Variants in EXO1 observed in about 807,000 individuals in gnomAD.
The protein encoded by EXO1 is exonuclease 1.
Under a neutral mutation model 84.5 loss-of-function variants are expected in EXO1, and 69 were observed. The ratio of observed to expected loss-of-function variants is 0.82; its 90% confidence interval spans 0.67 to 1.00. The LOEUF is 1.00. EXO1 is among the 50% of genes least tolerant of loss of function. The pLI, the probability that EXO1 is intolerant of heterozygous loss-of-function variation, is 0.00. For synonymous variants in EXO1, 373 were observed against 366.1 expected (o/e 1.02, Z -0.21); for missense variants, 1,045 against 1,000.7 (o/e 1.04, Z -0.60).
Position 241,850,401 on chromosome 1 carries a change from C to T in EXO1, c.-17-8C>T. 1 of 1,581,516 alleles carries T rather than the reference C, an allele frequency of 6.3e-7. No homozygotes were observed. The highest frequency in any genetic ancestry group is 8.7e-7 in the Non-Finnish European group (1 of 1,150,576). ...TATTACTGTTCTCCCTGTCTCTTTT[C>T]ATATCAGGTAGTTAATTTGGCACCA... On this transcript the variant is annotated splice_polypyrimidine_tract_variant and splice_region_variant and intron_variant, in intron 3 of 15. Coordinates refer to ENST00000366548, the MANE Select transcript of EXO1 (RefSeq NM_130398.4).
At chr1:241,881,128 A>G (rs1662724626) in intron 13 of EXO1, among the ~76,000 whole-genome samples, 1 of 152,050 alleles carries the variant, frequency 6.6e-6, no homozygotes, top group Non-Finnish European at 1.5e-5. Flanking sequence ...CCCGGGTTCA[A>G]GCGATTCTCC....
intron 12 of EXO1, among the ~76,000 whole-genome samples, chr1:241,877,275 T>A (rs1776146): frequency 0.46 from 69,514 of 151,976 alleles, 16,121 homozygotes; most frequent in East Asian, 0.71. Context: ...GTTCTGAGTT[T>A]TACTTCTGTT....
intron 15 of EXO1, among the ~76,000 whole-genome samples, chr1:241,887,249 G>A (rs1482428968): frequency 6.6e-6 from 1 of 152,138 alleles, no homozygotes; most frequent in Admixed American, 6.5e-5. Flanking sequence ...CAGTCCTCCT[G>A]CCTCAGCCTC....
chr1:241,882,969 A>C (rs1662859744), intron 14 of EXO1, among the ~76,000 whole-genome samples: 1 of 152,200 alleles, frequency 6.6e-6, no homozygotes, highest in Admixed American at 6.5e-5. Context: ...TGAGAATTTA[A>C]ATACAAGAAT....
chr1:241,879,834 G>C (rs554250970), intron 13 of EXO1, among the ~76,000 whole-genome samples: 5 of 152,050 alleles, frequency 3.3e-5, no homozygotes, highest in South Asian at 2.1e-4. Context: ...GTGAAACCCT[G>C]TCTCTCCTAA....
At position 241,857,496 on chromosome 1, in the gene EXO1, A is replaced by G. The variant is rs1661129812; in HGVS notation, c.543+14A>G. On this transcript the variant is annotated intron_variant, in intron 7 of 15. Coordinates refer to ENST00000366548, the MANE Select transcript of EXO1 (RefSeq NM_130398.4). The stretch of plus-strand genomic sequence containing the variant: ...GGCTGTAAAAAGGTACTCACCTCTG[A>G]CTACTATATATTACTTTTCTATGTA... The G allele has an allele frequency of 1.2e-6, 2 of 1,609,030 alleles. No individual in the cohort carries two copies. The highest frequency in any genetic ancestry group is 1.7e-6 in the Non-Finnish European group (2 of 1,176,284).
At chr1:241,872,820 T>A (rs1404130452) in intron 12 of EXO1, among the ~76,000 whole-genome samples, 4 of 152,188 alleles carry the variant, frequency 2.6e-5, no homozygotes, top group African/African-American at 9.7e-5. Flanking sequence ...AACATACGTA[T>A]GCATGTGTCT....
At chr1:241,850,360 T>C in intron 3 of EXO1, 49 bp from the exon 4 acceptor site, 1 of 1,220,774 alleles carries the variant, frequency 8.2e-7, no homozygotes, top group South Asian at 1.2e-5. Context: ...TTTTAATAAA[T>C]GTATTTTTCT....
intron 10 of EXO1, among the ~76,000 whole-genome samples, chr1:241,865,495 G>A (rs568434874): frequency 1.9e-4 from 29 of 152,232 alleles, no homozygotes; most frequent in African/African-American, 6.7e-4. Context: ...ACAGGTGTGA[G>A]CCACCATGCC....
chr1:241,861,344 T>G (rs956337452), intron 9 of EXO1, 62 bp from the exon 10 acceptor site: 13 of 855,696 alleles, frequency 1.5e-5, no homozygotes. Context: ...TTTTCCATCT[T>G]AGTATAATAT....
Position 241,849,187 on chromosome 1 carries a change from C to T in EXO1, c.-47C>T, listed in dbSNP as rs541907941. The T allele has an allele frequency of 6.6e-6, 1 of 152,324 alleles. No homozygotes were observed. The highest frequency in any genetic ancestry group is 1.9e-4 in the East Asian group (1 of 5,194). 9.4% of individuals were successfully genotyped at this position (152,324 alleles called of 1,614,324 possible). ...AAATTTGAGAACTGCTGGACCAGAG[C>T]CTTTAGAGCTCTGATAAGGTGTCAA... is the stretch of plus-strand genomic sequence containing the variant. On this transcript the variant is annotated 5_prime_UTR_variant, in exon 3 of 16. Transcript: ENST00000366548.
At chr1:241,860,288 A>ATT (rs11372892) in intron 8 of EXO1, among the ~76,000 whole-genome samples, 1 of 151,876 alleles carries the variant, frequency 6.6e-6, no homozygotes, top group African/African-American at 2.4e-5. Flanking sequence ...ATATAACTGT[A>ATT]TTTTTTTATC....
At chr1:241,878,660 C>T (rs1662547326) in intron 12 of EXO1, 89 bp from the exon 13 acceptor site, 3 of 753,466 alleles carry the variant, frequency 4.0e-6, no homozygotes, top group Non-Finnish European at 6.5e-6. Context: ...CAAAAAGAAA[C>T]TGATTATTCC....
intron 8 of EXO1, among the ~76,000 whole-genome samples, chr1:241,859,433 G>C (rs534019037): frequency 1.1e-4 from 16 of 152,242 alleles, no homozygotes; most frequent in African/African-American, 3.9e-4. Flanking sequence ...CTCATGTGAA[G>C]AGTACACAAA....
Position 241,857,413 on chromosome 1 carries a change from T to G in EXO1, c.474T>G (p.Leu158=). 6.2e-7 allele frequency: 1 copy of G among 1,613,726 alleles called. No homozygotes were observed. Among genetic ancestry groups the G allele is most frequent in the Non-Finnish European group, 8.5e-7 (1 of 1,179,906 alleles). The change falls in exon 7 of 16, where the codon CTT becomes CTG. Residue 158 remains leucine, a synonymous_variant. Coordinates refer to ENST00000366548, the MANE Select transcript of EXO1 (RefSeq NM_130398.4). ...AAGCTGATGCGCAGTTGGCCTATCT[T>G]AACAAAGCGGGAATTGTGCAAGCCA... is the stretch of plus-strand genomic sequence containing the variant. ...PYEADAQLAY[L]NKAGIVQAII...
intron 15 of EXO1, among the ~76,000 whole-genome samples, chr1:241,887,085 C>G (rs915511349): frequency 1.3e-5 from 2 of 152,102 alleles, no homozygotes; most frequent in Non-Finnish European, 1.5e-5. Flanking sequence ...CTTGTAGTTT[C>G]TTTAGGTCAG....
At chr1:241,863,885 T>A (rs1661549074) in intron 10 of EXO1, among the ~76,000 whole-genome samples, 1 of 152,246 alleles carries the variant, frequency 6.6e-6, no homozygotes, top group Admixed American at 6.5e-5. Flanking sequence ...AGCACAGAGC[T>A]TTTCTATCAG....
In EXO1 at chr1:241,885,006, G is replaced by C. The variant is rs186115939; in HGVS notation, c.2212-308G>C. Among the ~76,000 whole-genome samples, 333 of 152,138 alleles carry C rather than the reference G, an allele frequency of 2.2e-3. 1 individual carries two copies. The highest frequency in any genetic ancestry group is 7.6e-3 in the African/African-American group (317 of 41,508). On this transcript the variant is annotated intron_variant, in intron 14 of 15. Transcript: ENST00000366548. ...GCAGATCACAAGGTCAGGAGATCGAGACCATCCTGGCTAAAACGGTGAAAC... is the reference window on the plus strand; with the variant it reads ...GCAGATCACAAGGTCAGGAGATCGACACCATCCTGGCTAAAACGGTGAAAC...
At chr1:241,882,185 A>G (rs1217375854) in intron 14 of EXO1, among the ~76,000 whole-genome samples, 168 bp downstream of exon 14, 1 of 152,150 alleles carries the variant, frequency 6.6e-6, no homozygotes, top group Non-Finnish European at 1.5e-5. Flanking sequence ...AAGTTGTGAA[A>G]CTTATTTTCT....
Sources: gnomAD v4.1 joint callset for allele counts (sites outside exome capture counted in the v4.1 genomes callset) on GRCh38, gnomAD v4.1.1 for gene constraint, MANE v1.5 for transcripts, NCBI Gene and HGNC (gene_info 2026-07-23, HGNC 2026-07-21) for gene names.